The following YAE1 variants were observed in gnomAD, a reference collection of about 807,000 sequenced individuals.
YAE1 encodes the protein protein YAE1 homolog.
In YAE1, 22 loss-of-function variants were observed where a neutral mutation model predicts 23.0. The observed-to-expected ratio is 0.96, with a 90% CI of 0.68 to 1.37. YAE1 has a LOEUF of 1.37. Among genes scored for constraint, YAE1 ranks in the 40% most tolerant of loss-of-function variants. The probability of loss-of-function intolerance (pLI) is 0.00; values close to 1 mark genes in which losing one functional copy is unlikely to be tolerated. For synonymous variants in YAE1, 101 were observed against 97.0 expected, an observed-to-expected ratio of 1.04 and a Z score of -0.24; for missense variants, 260 against 262.1, an observed-to-expected ratio of 0.99 and a Z score of 0.06.
downstream of YAE1, among the ~76,000 whole-genome samples, chr7:39,577,679 T>G (rs1408903912): frequency 6.6e-6 from 1 of 152,170 alleles, no homozygotes; most frequent in African/African-American, 2.4e-5. Context: ...TGCCCTAGCC[T>G]CACCCCCACT....
chr7:39,608,266 G>A (rs1204820361), intron 2 of YAE1, among the ~76,000 whole-genome samples: 1 of 152,090 alleles, frequency 6.6e-6, no homozygotes, highest in African/African-American at 2.4e-5. Flanking sequence ...TTTATTTAAC[G>A]CCTATAAAAT....
rs1391352617 is a variant in YAE1 at position 39,572,702 on chromosome 7, T to G, written c.677T>G (p.Leu226Arg). The change falls in exon 3 of 3, where the codon CTA becomes CGA. Residue 226 changes from leucine to arginine, a missense_variant. By Grantham distance (102) the Leu-to-Arg change is moderately radical (BLOSUM62 -2). Transcript: ENST00000223273. ...GATGTATTACAACACCTCAAACAAC[T>G]ATAAAATTACCTTCCCTTTTCTAAT... is the stretch of plus-strand genomic sequence containing the variant. ...SVDVLQHLKQ[L>R] 6.4e-7 allele frequency: 1 copy of G among 1,562,900 alleles called. No individual in the cohort carries two copies.
intron 2 of YAE1, among the ~76,000 whole-genome samples, chr7:39,586,306 G>A (rs1420927414): frequency 6.6e-6 from 1 of 150,938 alleles, no homozygotes; most frequent in Non-Finnish European, 1.5e-5. Flanking sequence ...CCGAGTAGCT[G>A]GGACTACAGG....
chr7:39,611,958 C>T (rs1425663136), downstream of YAE1, among the ~76,000 whole-genome samples: 1 of 152,180 alleles, frequency 6.6e-6, no homozygotes, highest in Non-Finnish European at 1.5e-5. Flanking sequence ...CTGGAATATT[C>T]ATATTCAAAG....
chr7:39,609,410 T>C (rs187021340), intron 2 of YAE1: 1 of 642,624 alleles, frequency 1.6e-6, no homozygotes, highest in African/African-American at 1.8e-5. Context: ...CACCATCATG[T>C]GGGAACACTG....
intron 2 of YAE1, among the ~76,000 whole-genome samples, chr7:39,597,885 G>C (rs974066700): frequency 6.6e-6 from 1 of 152,178 alleles, no homozygotes. Context: ...TTCTGTGGAG[G>C]AAATTCAGTT....
At chr7:39,588,107 C>T (rs1338333000) in intron 2 of YAE1, among the ~76,000 whole-genome samples, 1 of 152,174 alleles carries the variant, frequency 6.6e-6, no homozygotes, top group Non-Finnish European at 1.5e-5. Flanking sequence ...TTTGCTCCAG[C>T]CTAAACTTTT....
intron 2 of YAE1, among the ~76,000 whole-genome samples, chr7:39,579,631 G>C (rs1790712398): frequency 6.7e-6 from 1 of 148,530 alleles, no homozygotes; most frequent in South Asian, 2.1e-4. Flanking sequence ...TCACGCCACT[G>C]CACTCCAGCC....
intron 2 of YAE1, among the ~76,000 whole-genome samples, chr7:39,591,478 T>C (rs1283849792): frequency 6.6e-6 from 1 of 152,218 alleles, no homozygotes; most frequent in African/African-American, 2.4e-5. Context: ...TTTTATTCTT[T>C]TTTTATTCCC....
downstream of YAE1, among the ~76,000 whole-genome samples, chr7:39,574,089 A>T (rs928250755): frequency 6.6e-6 from 1 of 151,920 alleles, no homozygotes; most frequent in Non-Finnish European, 1.5e-5. Context: ...GATGCATCTC[A>T]AGGCCACCCT....
rs181839254 is a variant in YAE1 at position 39,567,775 on chromosome 7, A to G, written c.129+1228A>G. Among the ~76,000 whole-genome samples, 16 of 152,350 alleles carry G rather than the reference A, an allele frequency of 1.1e-4. No individual in the cohort carries two copies. The East Asian group carries it at 3.1e-3, about 29-fold the overall frequency. On this transcript the variant is annotated intron_variant, in intron 1 of 2. Transcript: ENST00000223273. ...AAGAAAACTTGTACATTATGCTACT[A>G]TAAGTCTAGTGGATTCTCCTATCCG...
chr7:39,587,590 A>G (rs1230342184), intron 2 of YAE1, among the ~76,000 whole-genome samples: 1 of 152,192 alleles, frequency 6.6e-6, no homozygotes, highest in African/African-American at 2.4e-5. Context: ...TGACAGCAGC[A>G]CTGCTCTGGG....
At chr7:39,584,294 C>T (rs946316872) in intron 2 of YAE1, among the ~76,000 whole-genome samples, 1 of 151,962 alleles carries the variant, frequency 6.6e-6, no homozygotes, top group African/African-American at 2.4e-5. Flanking sequence ...TTTGTTTGTT[C>T]GCCAGAGTGA....
intron 2 of YAE1, among the ~76,000 whole-genome samples, chr7:39,596,727 G>T (rs972809996): frequency 6.6e-6 from 1 of 151,796 alleles, no homozygotes; most frequent in Non-Finnish European, 1.5e-5. Flanking sequence ...TCTCTTCCCC[G>T]TTAGACAATC....
chr7:39,596,494 C>T (rs1426443221), intron 2 of YAE1, among the ~76,000 whole-genome samples: 2 of 152,142 alleles, frequency 1.3e-5, no homozygotes, highest in African/African-American at 4.8e-5. Flanking sequence ...GCCTCAGCCT[C>T]CCAAAGTGCT....
Position 39,572,550 on chromosome 7 carries a change from T to C in YAE1, c.525T>C (p.His175=), listed in dbSNP as rs1436799680. 4.3e-6 allele frequency: 7 copies of C among 1,614,134 alleles called. No individual in the cohort carries two copies. Among genetic ancestry groups the C allele is most frequent in the Non-Finnish European group, 5.1e-6 (6 of 1,179,980 alleles). ...TTAACAAAAACTGTAGCAAGAGCCA[T>C]AGTGGGATAGATTGTTCATATGTAG... The part of the protein sequence containing the change: ...AEFNKNCSKS[H]SGIDCSYVEC... Residue 175 remains histidine (H), a synonymous_variant, in exon 3 of 3, where the codon CAT becomes CAC. Coordinates refer to ENST00000223273, the MANE Select transcript of YAE1 (RefSeq NM_020192.5).
intron 2 of YAE1, among the ~76,000 whole-genome samples, chr7:39,589,343 T>C (rs988948346): frequency 6.6e-6 from 1 of 152,148 alleles, no homozygotes; most frequent in East Asian, 1.9e-4. Flanking sequence ...AAAAGCTTCA[T>C]TGGCTGGGTA....
In YAE1 at chr7:39,572,324, T is replaced by G. The variant is rs1790581986; in HGVS notation, c.299T>G (p.Ile100Ser). The change falls in exon 3 of 3, where the codon ATC (isoleucine) becomes AGC (serine). Residue 100 changes from isoleucine (I) to serine (S), a missense_variant. Coordinates refer to ENST00000223273, the MANE Select transcript of YAE1 (RefSeq NM_020192.5). ...CHLHNNNSTL[I>S]NKINNLLDAV... The stretch of plus-strand genomic sequence containing the variant: ...CTTCATAATAATAATTCAACTTTGA[T>G]CAATAAAATAAACAATCTTCTGGAT... 1 of 1,613,818 alleles carries G rather than the reference T, an allele frequency of 6.2e-7. No individual in the cohort carries two copies. Among genetic ancestry groups the G allele is most frequent in the Admixed American group, 1.7e-5 (1 of 59,996 alleles).
At chr7:39,601,557 C>T (rs1009375819) in intron 2 of YAE1, among the ~76,000 whole-genome samples, 2 of 151,958 alleles carry the variant, frequency 1.3e-5, no homozygotes, top group African/African-American at 4.8e-5. Flanking sequence ...GTCAGGAGTT[C>T]GAGATCAGCT....
Sources: gnomAD v4.1 joint callset for allele counts (sites outside exome capture counted in the v4.1 genomes callset) on GRCh38, gnomAD v4.1.1 for gene constraint, MANE v1.5 for transcripts, NCBI Gene and HGNC (gene_info 2026-07-23, HGNC 2026-07-21) for gene names.